The following FAM227A variants were observed in gnomAD, a reference collection of about 807,000 sequenced individuals.
The protein encoded by FAM227A is family with sequence similarity 227 member A, also known as protein FAM227A.
In FAM227A, 80 loss-of-function variants were observed where a neutral mutation model predicts 74.7. That is an observed-to-expected ratio of 1.07 (90% CI 0.89 to 1.29). The LOEUF (loss-of-function observed/expected upper bound fraction) is 1.29, where lower values mean the gene tolerates loss of function less well. FAM227A is among the 50% of genes most tolerant of loss of function. The pLI, the probability that FAM227A is intolerant of heterozygous loss-of-function variation, is 0.00. For missense variants in FAM227A, 654 were observed against 683.4 expected (o/e 0.96, Z 0.48); for synonymous variants, 237 against 241.8 (o/e 0.98, Z 0.19).
Position 38,625,274 on chromosome 22 carries a change from A to G in FAM227A, c.850+906T>C, listed in dbSNP as rs532611206. 2.0e-5 allele frequency among the ~76,000 whole-genome samples: 3 copies of G among 152,102 alleles called. No individual in the cohort carries two copies. In the South Asian group the frequency reaches 6.2e-4, roughly 32 times the overall value. On this transcript the variant is annotated intron_variant, in intron 9 of 16. Coordinates refer to ENST00000535113, the MANE Select transcript of FAM227A (RefSeq NM_001013647.2). ...CGTAGTGGTGGGCACCTATAGTCCCAGCTACTCGGGAGGCTGAGGCAGGAG... is the reference window on the plus strand; with the variant it reads ...CGTAGTGGTGGGCACCTATAGTCCCGGCTACTCGGGAGGCTGAGGCAGGAG...
At chr22:38,586,914 G>A (rs6001164) in intron 16 of FAM227A, among the ~76,000 whole-genome samples, 3,844 of 151,834 alleles carry the variant, frequency 0.025, 163 homozygotes, top group African/African-American at 0.088. Context: ...TCCTGACCTC[G>A]TGATCCGCCT....
chr22:38,613,214 A>C (rs2091473321), intron 11 of FAM227A, among the ~76,000 whole-genome samples: 1 of 67,610 alleles, frequency 1.5e-5, no homozygotes, highest in Non-Finnish European at 2.6e-5. Flanking sequence ...ATATATATCT[A>C]TGCTGTATAT....
At chr22:38,599,342 G>T (rs1027618736) in intron 14 of FAM227A, among the ~76,000 whole-genome samples, 2 of 152,072 alleles carry the variant, frequency 1.3e-5, no homozygotes, top group African/African-American at 4.8e-5. Context: ...TATGCTGATG[G>T]GTCTAAGGGA....
chr22:38,647,263 G>A (rs1159159334), intron 2 of FAM227A, among the ~76,000 whole-genome samples: 1 of 152,070 alleles, frequency 6.6e-6, no homozygotes, highest in East Asian at 1.9e-4. Flanking sequence ...TCAGGAGTTC[G>A]AGACTAGCCT....
At chr22:38,618,183 T>C (rs927638885) in intron 11 of FAM227A, among the ~76,000 whole-genome samples, 1 of 152,176 alleles carries the variant, frequency 6.6e-6, no homozygotes, top group Non-Finnish European at 1.5e-5. Context: ...TGAAGGCAAT[T>C]GAAAAACAGC....
Position 38,620,204 on chromosome 22 carries a change from C to T in FAM227A, c.1038+8G>A. The T allele has an allele frequency of 6.5e-7, 1 of 1,548,844 alleles. No individual in the cohort carries two copies. Among genetic ancestry groups the T allele is most frequent in the Non-Finnish European group, 8.7e-7 (1 of 1,144,864 alleles). On this transcript the variant is annotated splice_region_variant and intron_variant, in intron 11 of 16. Coordinates refer to ENST00000535113, the MANE Select transcript of FAM227A (RefSeq NM_001013647.2). ...CAAAGGGGTCCTGGTCCGTGCCTCC[C>T]CACTTACCTGAGGGTGGTAGAATTT...
At chr22:38,637,460 A>C (rs1456974605) in intron 5 of FAM227A, among the ~76,000 whole-genome samples, 1 of 152,232 alleles carries the variant, frequency 6.6e-6, no homozygotes, top group Non-Finnish European at 1.5e-5. Flanking sequence ...TTAGGATAAA[A>C]CTAAAACATG....
At chr22:38,641,128 G>T (rs868187532) in intron 3 of FAM227A, among the ~76,000 whole-genome samples, 2 of 64,646 alleles carry the variant, frequency 3.1e-5, no homozygotes, top group Middle Eastern at 0.016. Flanking sequence ...AAAGAGGGGA[G>T]AGAAAGGATA....
chr22:38,649,891 AAAG>A, intron 2 of FAM227A, 133 bp downstream of exon 2: 3 of 821,182 alleles, frequency 3.7e-6, no homozygotes, highest in Admixed American at 3.2e-5. Context: ...AAAGAAAAGA[AAAG>A]AAAAAATGAA....
chr22:38,605,681 T>C (rs2091268608), intron 12 of FAM227A, among the ~76,000 whole-genome samples: 1 of 152,224 alleles, frequency 6.6e-6, no homozygotes. Flanking sequence ...TATTTTCTAA[T>C]TTCCCTTGGC....
At chr22:38,645,695 A>C in intron 2 of FAM227A, 50 bp from the exon 3 acceptor site, 1 of 1,203,304 alleles carries the variant, frequency 8.3e-7, no homozygotes, top group Non-Finnish European at 1.2e-6. Flanking sequence ...TACACACACA[A>C]CAGGATGGGG....
intron 13 of FAM227A, among the ~76,000 whole-genome samples, chr22:38,602,913 G>GC (rs2146228540): frequency 6.6e-6 from 1 of 152,122 alleles, no homozygotes; most frequent in Admixed American, 6.5e-5. Context: ...TCACTCTGTC[G>GC]CCCAGGCTGG....
intron 2 of FAM227A, among the ~76,000 whole-genome samples, 193 bp from the exon 3 acceptor site, chr22:38,645,838 T>C (rs760269631): frequency 5.3e-5 from 8 of 152,152 alleles, no homozygotes; most frequent in Middle Eastern, 3.2e-3. Context: ...CATGCTGGAG[T>C]GCAGTGATGC....
chr22:38,608,466 C>T (rs901870842), intron 11 of FAM227A, among the ~76,000 whole-genome samples: 3 of 151,944 alleles, frequency 2.0e-5, no homozygotes, highest in Non-Finnish European at 4.4e-5. Flanking sequence ...AATCTTGCTC[C>T]GTTGCCTAGG....
At chr22:38,633,541 T>C (rs1440210821) in intron 6 of FAM227A, among the ~76,000 whole-genome samples, 3 of 152,106 alleles carry the variant, frequency 2.0e-5, no homozygotes, top group Admixed American at 1.3e-4. Flanking sequence ...AAAACAACTA[T>C]AATATTTTTT....
intron 11 of FAM227A, among the ~76,000 whole-genome samples, chr22:38,610,025 G>T (rs1479431955): frequency 6.6e-6 from 1 of 151,666 alleles, no homozygotes; most frequent in Non-Finnish European, 1.5e-5. Flanking sequence ...TGCCCACCTT[G>T]GCCTCCCAAA....
Position 38,650,223 on chromosome 22 carries a change from C to A in FAM227A, c.-55G>T. 1 of 1,508,364 alleles carries A rather than the reference C, an allele frequency of 6.6e-7. No homozygotes were observed. 93.4% of individuals were successfully genotyped at this position (1,508,364 alleles called of 1,614,324 possible). Reference sequence around the variant, plus strand: ...AAAGCTTCCACTTTTAAGAGCCTCTCATTTCCCACTCCAATCTTGTCGTTT... The same window carrying A: ...AAAGCTTCCACTTTTAAGAGCCTCTAATTTCCCACTCCAATCTTGTCGTTT... On this transcript the variant is annotated 5_prime_UTR_variant, in exon 2 of 17. It removes an upstream start codon present in the reference 5' UTR. Transcript: ENST00000535113.
At chr22:38,616,681 A>T (rs1221110518) in intron 11 of FAM227A, among the ~76,000 whole-genome samples, 1 of 151,834 alleles carries the variant, frequency 6.6e-6, no homozygotes, top group Non-Finnish European at 1.5e-5. Context: ...AAAAAAAAAA[A>T]TAATAAGTTC....
chr22:38,629,700 A>G (rs56409215), intron 6 of FAM227A, among the ~76,000 whole-genome samples: 2 of 131,956 alleles, frequency 1.5e-5, no homozygotes, highest in Admixed American at 1.5e-4. Flanking sequence ...CTTCTTTACC[A>G]TCACTCACAC....
Sources: gnomAD v4.1 joint callset for allele counts (sites outside exome capture counted in the v4.1 genomes callset) on GRCh38, gnomAD v4.1.1 for gene constraint, MANE v1.5 for transcripts, NCBI Gene and HGNC (gene_info 2026-07-23, HGNC 2026-07-21) for gene names.